Variants in FOXP1 observed in about 807,000 individuals in gnomAD.
FOXP1 encodes forkhead box P1.
Under a neutral mutation model 98.2 loss-of-function variants are expected in FOXP1, and 15 were observed. That is an observed-to-expected ratio of 0.15 (90% CI 0.10 to 0.24). The LOEUF is 0.24. Ranked by LOEUF, FOXP1 falls within the 10% of genes least tolerant of loss-of-function variation. The pLI is 1.00. For missense variants in FOXP1, 633 were observed against 848.5 expected (o/e 0.75, Z 3.15); for synonymous variants, 371 against 314.5 (o/e 1.18, Z -1.90).
intron 7 of FOXP1, among the ~76,000 whole-genome samples, chr3:71,087,365 A>G (rs2055238259): frequency 6.6e-6 from 1 of 152,258 alleles, no homozygotes; most frequent in South Asian, 2.1e-4. Flanking sequence ...AACAACGACA[A>G]CAAAATACCG....
intron 2 of FOXP1, chr3:71,543,302 G>T (rs1039557028): frequency 1.1e-4 from 16 of 152,246 alleles, no homozygotes; most frequent in African/African-American, 3.8e-4. Flanking sequence ...ATAATAATTT[G>T]GTTATTTCTT....
chr3:71,504,873 T>C (rs1375751390), intron 2 of FOXP1, among the ~76,000 whole-genome samples: 1 of 152,220 alleles, frequency 6.6e-6, no homozygotes, highest in Admixed American at 6.5e-5. Flanking sequence ...CCAACTAACA[T>C]GTGCAAAGCC....
intron 3 of FOXP1, among the ~76,000 whole-genome samples, chr3:71,424,059 G>T (rs569972472): frequency 6.6e-6 from 1 of 152,090 alleles, no homozygotes; most frequent in Non-Finnish European, 1.5e-5. Flanking sequence ...CTCCCAAGTC[G>T]CTGGATTATA....
intron 20 of FOXP1, among the ~76,000 whole-genome samples, chr3:70,964,421 G>A (rs1479436322): frequency 6.6e-6 from 1 of 152,128 alleles, no homozygotes; most frequent in Non-Finnish European, 1.5e-5. Context: ...TATACTAATA[G>A]GAATATATGT....
chr3:71,261,786 T>C (rs560513657), intron 5 of FOXP1, among the ~76,000 whole-genome samples: 1 of 152,314 alleles, frequency 6.6e-6, no homozygotes, highest in Admixed American at 6.5e-5. Context: ...CATTGTGAAT[T>C]ACCTTATTTG....
chr3:70,982,497 T>G (rs2107414007), intron 14 of FOXP1, among the ~76,000 whole-genome samples: 1 of 152,352 alleles, frequency 6.6e-6, no homozygotes, highest in East Asian at 1.9e-4. Flanking sequence ...ATTTTCTACA[T>G]GGCAAGTTTC....
At chr3:71,526,823 C>T (rs942184451) in intron 2 of FOXP1, among the ~76,000 whole-genome samples, 77 of 152,142 alleles carry the variant, frequency 5.1e-4, no homozygotes, top group African/African-American at 1.7e-3. Context: ...CAAAATTAGT[C>T]GGGCGTGGTG....
chr3:71,086,705 T>C (rs1001103704), intron 7 of FOXP1, among the ~76,000 whole-genome samples: 5 of 152,134 alleles, frequency 3.3e-5, no homozygotes, highest in African/African-American at 1.2e-4. Context: ...ATCAGCGACA[T>C]TTAACATGAC....
chr3:71,431,237 T>C (rs1257253197), intron 3 of FOXP1, among the ~76,000 whole-genome samples: 1 of 152,098 alleles, frequency 6.6e-6, no homozygotes, highest in Non-Finnish European at 1.5e-5. Flanking sequence ...GTGGCCGTTC[T>C]CTGGTTGGTG....
intron 4 of FOXP1, among the ~76,000 whole-genome samples, chr3:71,312,712 C>T (rs1034254709): frequency 9.2e-5 from 14 of 152,138 alleles, no homozygotes; most frequent in Non-Finnish European, 2.1e-4. Context: ...AGGCCAGGCA[C>T]GGTGGCTCAT....
At chr3:71,520,415 G>A (rs768923711) in intron 2 of FOXP1, among the ~76,000 whole-genome samples, 5 of 152,168 alleles carry the variant, frequency 3.3e-5, no homozygotes, top group Non-Finnish European at 7.3e-5. Flanking sequence ...AGCCCATCTT[G>A]TGCAACTCCA....
chr3:71,471,696 C>A (rs2089365792), intron 3 of FOXP1, among the ~76,000 whole-genome samples: 1 of 152,242 alleles, frequency 6.6e-6, no homozygotes, highest in Non-Finnish European at 1.5e-5. Context: ...ATGAGACAGT[C>A]CACCCTGAAA....
chr3:71,021,660 G>A (rs931864918), intron 11 of FOXP1, among the ~76,000 whole-genome samples: 4 of 152,154 alleles, frequency 2.6e-5, no homozygotes, highest in Non-Finnish European at 5.9e-5. Context: ...CTGTGTGAGG[G>A]TTCTAATTTC....
intron 6 of FOXP1, among the ~76,000 whole-genome samples, chr3:71,128,323 C>T (rs377189003): frequency 1.3e-4 from 17 of 132,472 alleles, no homozygotes; most frequent in African/African-American, 3.8e-4. Flanking sequence ...AAAAAAAAAA[C>T]GCAAATTTTA....
chr3:71,578,274 AG>A (rs1419050788), intron 2 of FOXP1, among the ~76,000 whole-genome samples: 1 of 152,224 alleles, frequency 6.6e-6, no homozygotes, highest in Non-Finnish European at 1.5e-5. Flanking sequence ...AATGCTCTTC[AG>A]TCACGGGTTA....
intron 9 of FOXP1, among the ~76,000 whole-genome samples, chr3:71,050,879 A>C (rs1018264117): frequency 1.0e-3 from 155 of 152,326 alleles, no homozygotes; most frequent in African/African-American, 3.6e-3. Context: ...TGTGACTTTG[A>C]AGTCAGCTTT....
intron 3 of FOXP1, among the ~76,000 whole-genome samples, chr3:71,401,765 G>C (rs2081970862): frequency 6.6e-6 from 1 of 152,118 alleles, no homozygotes; most frequent in Admixed American, 6.6e-5. Context: ...TAAAGACGAG[G>C]CTCTCCCCAT....
intron 5 of FOXP1, among the ~76,000 whole-genome samples, chr3:71,243,031 A>C (rs1043009533): frequency 1.3e-5 from 2 of 152,186 alleles, no homozygotes; most frequent in African/African-American, 4.8e-5. Context: ...GCCACCCGCC[A>C]TTCCATGTTC....
rs189066687 is a variant in FOXP1 at position 71,018,308 on chromosome 3, G to C, written c.870-2655C>G. Among the ~76,000 whole-genome samples, 4 of 152,318 alleles carry C rather than the reference G, an allele frequency of 2.6e-5. No homozygotes were observed. In the East Asian group the frequency reaches 7.7e-4, roughly 29 times the overall value. The stretch of plus-strand genomic sequence containing the variant: ...ACACTAGGGCCTTAGAACGCAATCA[G>C]TTATACCTGAAGTCTAAAGAAACTC... On this transcript the variant is annotated intron_variant, in intron 11 of 20. Coordinates refer to ENST00000649528, the MANE Select transcript of FOXP1 (RefSeq NM_001349338.3).
Sources: gnomAD v4.1 joint callset for allele counts (sites outside exome capture counted in the v4.1 genomes callset) on GRCh38, gnomAD v4.1.1 for gene constraint, MANE v1.5 for transcripts, NCBI Gene and HGNC (gene_info 2026-07-23, HGNC 2026-07-21) for gene names.